Variants in TTN observed in about 807,000 individuals in gnomAD.
TTN encodes connectin.
In TTN, 1,525 loss-of-function variants were observed where a neutral mutation model predicts 3,223.0. The ratio of observed to expected loss-of-function variants is 0.47; its 90% CI spans 0.45 to 0.49. The LOEUF (loss-of-function observed/expected upper bound fraction) is 0.49, where lower values mean the gene tolerates loss of function less well. Among genes scored for constraint, TTN ranks in the 20% least tolerant of loss-of-function variants. The pLI is 0.00. For missense variants in TTN, 40,786 were observed against 43,424.0 expected, an observed-to-expected ratio of 0.94 and a Z score of 5.40; for synonymous variants, 14,094 against 15,161.0, an observed-to-expected ratio of 0.93 and a Z score of 5.17.
rs1397606836 is a variant in TTN, at chr2:178,529,391, AC to A, written c.106532-173del. ...CACTTTTGGAAAATTATCATGTGTG[AC>A]TTTTGAGATCACTGTAATGATTCCT... On this transcript the variant is annotated intron_variant, in intron 359 of 362. Transcript: ENST00000589042. 18 of 479,132 alleles carry A rather than the reference AC, an allele frequency of 3.8e-5. No individual in the cohort carries two copies. The Admixed American group carries it at 6.5e-4, about 17-fold the overall frequency. 29.7% of individuals were successfully genotyped at this position (479,132 alleles called of 1,614,324 possible).
chr2:178,574,822 G>A lies in TTN; in HGVS notation c.71310C>T (p.Asp23770=). ...TTGCTAACTCAACCCAGGTAGTACT[G>A]TCAGTCTGCCGCATTTCCACTACAT... ...SNYVVEMRQT[D]STTWVELATT... Residue 23770 remains aspartate (D), a synonymous_variant, in exon 326 of 363, where the codon GAC becomes GAT. Transcript: ENST00000589042. 1.2e-6 allele frequency: 2 copies of A among 1,612,920 alleles called. No homozygotes were observed. The highest frequency in any genetic ancestry group is 2.2e-5 in the East Asian group (1 of 44,680).
chr2:178,646,408 T>C lies in TTN; in HGVS notation c.40297+77A>G. The stretch of plus-strand genomic sequence containing the variant: ...CAAATGGGAACAGACATACTACATA[T>C]GTACAACAACATAAACCATATACAT... On this transcript the variant is annotated intron_variant, in intron 216 of 362. Transcript: ENST00000589042. 2.0e-6 allele frequency: 2 copies of C among 1,004,500 alleles called. 1 individual carries two copies. Among genetic ancestry groups the C allele is most frequent in the South Asian group, 3.1e-5 (2 of 65,112 alleles). 62.2% of individuals were successfully genotyped at this position (1,004,500 alleles called of 1,614,324 possible).
intron 121 of TTN, among the ~76,000 whole-genome samples, chr2:178,691,630 C>T (rs957092675): frequency 2.6e-5 from 4 of 152,162 alleles, no homozygotes; most frequent in Admixed American, 2.6e-4. Context: ...CCTGTCTCCA[C>T]CTCTTCATAA....
intron 155 of TTN, among the ~76,000 whole-genome samples, chr2:178,671,667 A>T (rs975055718): frequency 2.0e-5 from 3 of 151,728 alleles, no homozygotes; most frequent in African/African-American, 7.2e-5. Flanking sequence ...CACTTAACCA[A>T]TGACACTGGT....
Position 178,725,352 on chromosome 2 carries a change from G to T in TTN, c.20836+16C>A. On this transcript the variant is annotated intron_variant, in intron 71 of 362. Transcript: ENST00000589042. ...AGCATTTGGCACCAGTTTCTATCGT[G>T]GGCTATTGTACCAACCTAAGACCAT... The T allele has an allele frequency of 6.8e-7, 1 of 1,466,470 alleles. No individual in the cohort carries two copies. Among genetic ancestry groups the T allele is most frequent in the East Asian group, 2.4e-5 (1 of 41,382 alleles). 90.8% of individuals were successfully genotyped at this position (1,466,470 alleles called of 1,614,324 possible). A position where few individuals can be genotyped will look rare whatever the true frequency, so the allele number is the denominator to read the frequency against.
At position 178,611,150 on chromosome 2, in the gene TTN, T is replaced by C. The variant is rs913914694; in HGVS notation, c.50979A>G (p.Lys16993=). ...TTAATCTATCACTTGCTTTAACTTC[T>C]TTGCCATCTTTATGCCAACTAACAG... ...VPTVSWHKDG[K]EVKASDRLTM... The change falls in exon 270 of 363, where the codon AAA becomes AAG. Residue 16993 remains lysine (K), a synonymous_variant. Transcript: ENST00000589042. 1.2e-6 allele frequency: 2 copies of C among 1,612,706 alleles called. No homozygotes were observed. The highest frequency in any genetic ancestry group is 2.7e-5 in the African/African-American group (2 of 74,866).
intron 10 of TTN, among the ~76,000 whole-genome samples, chr2:178,791,229 C>A (rs1008670775): frequency 6.6e-6 from 1 of 152,182 alleles, no homozygotes; most frequent in East Asian, 1.9e-4. Flanking sequence ...AGGGTTCTTG[C>A]TGCTTTCAAA....
In TTN at chr2:178,529,043, C is replaced by A. The variant is rs762923784; in HGVS notation, c.106708G>T (p.Val35570Phe). 8.1e-6 allele frequency: 13 copies of A among 1,613,908 alleles called. No individual in the cohort carries two copies. In the South Asian group the frequency reaches 1.4e-4, roughly 18 times the overall value. Residue 35570 changes from valine (V) to phenylalanine (F), a missense_variant, in exon 360 of 363, where the codon GTT becomes TTT. Val to Phe is a conservative substitution (Grantham distance 50). Transcript: ENST00000589042. ...KLALKEEASK[V>F]LISEEVKKSA... is the part of the protein sequence containing the mutation. The stretch of plus-strand genomic sequence containing the variant: ...TTCTTGACTTCTTCAGAAATCAGAA[C>A]CTTTGAAGCTTCCTCTTTGAGGGCT...
chr2:178,689,027 T>G lies in TTN; in HGVS notation c.32095+26A>C, dbSNP rs1189704043. ...GATTTTTTTTTTTTTTTTTTTTTTTTGTCAGAGGATTGAGGCAAATCCTAC... is the reference window on the plus strand; with the variant it reads ...GATTTTTTTTTTTTTTTTTTTTTTTGGTCAGAGGATTGAGGCAAATCCTAC... On this transcript the variant is annotated intron_variant, in intron 125 of 362. Coordinates refer to ENST00000589042, the MANE Select transcript of TTN (RefSeq NM_001267550.2). 1.6e-5 allele frequency: 18 copies of G among 1,132,460 alleles called. No individual in the cohort carries two copies. The East Asian group carries it at 1.8e-4, about 12-fold the overall frequency. 70.2% of individuals were successfully genotyped at this position (1,132,460 alleles called of 1,614,324 possible). A position where few individuals can be genotyped will look rare whatever the true frequency, so the allele number is the denominator to read the frequency against.
intron 208 of TTN, 119 bp downstream of exon 208, chr2:178,651,124 C>T (rs2062871312): frequency 1.2e-6 from 1 of 814,618 alleles, no homozygotes; most frequent in Non-Finnish European, 1.9e-6. Context: ...CCTAAAAATC[C>T]AGAATGACAG....
chr2:178,643,182 C>T (rs2061465465), intron 218 of TTN, among the ~76,000 whole-genome samples: 1 of 151,884 alleles, frequency 6.6e-6, no homozygotes, highest in African/African-American at 2.4e-5. Context: ...TATTGTGTAA[C>T]TATTTGCTAT....
rs192008104 is a variant in TTN, at chr2:178,721,379, A to T, written c.22817-177T>A. ...CTTTTAAGTTAAATAATCTCATAAC[A>T]TTTTTTTTTTAGTTTTTTAAAATTT... On this transcript the variant is annotated intron_variant, in intron 78 of 362. Transcript: ENST00000589042. Among the ~76,000 whole-genome samples the T allele has an allele frequency of 0.025, 3,699 of 149,550 alleles. 150 individuals carry two copies. Among genetic ancestry groups the T allele is most frequent in the African/African-American group, 0.084 (3,433 of 40,830 alleles).
chr2:178,527,852 G>T, intron 361 of TTN, 104 bp from the exon 362 acceptor site: 2 of 1,099,202 alleles, frequency 1.8e-6, no homozygotes, highest in Non-Finnish European at 2.5e-6. Context: ...ACACACAGCA[G>T]CATAACCCAA....
intron 44 of TTN, among the ~76,000 whole-genome samples, chr2:178,758,276 A>G (rs2087913716): frequency 6.6e-6 from 1 of 152,214 alleles, no homozygotes; most frequent in African/African-American, 2.4e-5. Flanking sequence ...AGTTACAGTT[A>G]ATGCATAAGG....
chr2:178,735,165 C>T (rs536527081), intron 50 of TTN, among the ~76,000 whole-genome samples, 177 bp from the exon 51 acceptor site: 2 of 152,308 alleles, frequency 1.3e-5, no homozygotes, highest in South Asian at 4.1e-4. Context: ...CTTTCCCAGT[C>T]TCTTGATTTA....
intron 47 of TTN, among the ~76,000 whole-genome samples, chr2:178,752,895 A>G (rs1035529329): frequency 6.6e-6 from 1 of 152,124 alleles, no homozygotes; most frequent in African/African-American, 2.4e-5. Context: ...TTTGGCTGAT[A>G]AATTTTAAAT....
intron 43 of TTN, among the ~76,000 whole-genome samples, chr2:178,761,698 C>T (rs1029976928): frequency 1.3e-5 from 2 of 152,164 alleles, no homozygotes; most frequent in African/African-American, 2.4e-5. Flanking sequence ...TCCTCACCTA[C>T]ATGTCAAGCT....
At chr2:178,629,930 A>T (rs1395629763) in intron 239 of TTN, among the ~76,000 whole-genome samples, 1 of 152,064 alleles carries the variant, frequency 6.6e-6, no homozygotes, top group Non-Finnish European at 1.5e-5. Context: ...CACTTGAGGG[A>T]AGTGGTCTTT....
chr2:178,802,789 G>T (rs1190664731), intron 2 of TTN, among the ~76,000 whole-genome samples: 2 of 152,214 alleles, frequency 1.3e-5, no homozygotes, highest in Non-Finnish European at 2.9e-5. Context: ...TCCAGTTTCT[G>T]CCTGACAAGC....
Sources: allele counts gnomAD v4.1 joint callset (sites outside exome capture counted in the v4.1 genomes callset), GRCh38; gene constraint gnomAD v4.1.1; transcripts MANE v1.5; gene names NCBI Gene and HGNC (gene_info 2026-07-23, HGNC 2026-07-21).